MYO5A: variants seen among roughly 807,000 people sequenced by gnomAD.
The protein encoded by MYO5A is unconventional myosin-Va.
A neutral mutation model predicts 249.7 loss-of-function variants in MYO5A; 98 were observed. The ratio of observed to expected loss-of-function variants is 0.39; its 90% confidence interval spans 0.33 to 0.46. MYO5A has a LOEUF of 0.46. Among genes scored for constraint, MYO5A ranks in the 20% least tolerant of loss-of-function variants. The pLI, the probability that MYO5A is intolerant of heterozygous loss-of-function variation, is 0.98. For synonymous variants in MYO5A, 778 were observed against 810.6 expected, an observed-to-expected ratio of 0.96 and a Z score of 0.68; for missense variants, 1,696 against 2,308.8, an observed-to-expected ratio of 0.73 and a Z score of 5.44.
chr15:52,512,348 A>G (rs1199284893), intron 1 of MYO5A, among the ~76,000 whole-genome samples: 1 of 152,176 alleles, frequency 6.6e-6, no homozygotes, highest in African/African-American at 2.4e-5. Context: ...AAAAATTAGA[A>G]GTCCTTATCG....
chr15:52,315,109 C>T (rs1224656849), intron 40 of MYO5A, among the ~76,000 whole-genome samples: 1 of 152,156 alleles, frequency 6.6e-6, no homozygotes, highest in African/African-American at 2.4e-5. Context: ...ACTTTGTTAA[C>T]TAATATTTGC....
At chr15:52,451,119 C>A (rs1039291937) in intron 1 of MYO5A, among the ~76,000 whole-genome samples, 3 of 152,014 alleles carry the variant, frequency 2.0e-5, no homozygotes, top group Non-Finnish European at 4.4e-5. Flanking sequence ...TCAACAAGTC[C>A]AAAACAGAAC....
At chr15:52,468,369 A>G (rs2141439283) in intron 1 of MYO5A, among the ~76,000 whole-genome samples, 1 of 152,360 alleles carries the variant, frequency 6.6e-6, no homozygotes, top group South Asian at 2.1e-4. Context: ...TTTAAAATAC[A>G]GTATTAGGCC....
intron 28 of MYO5A, 29 bp from the exon 29 acceptor site, chr15:52,348,855 A>C: frequency 6.2e-7 from 1 of 1,605,440 alleles, no homozygotes; most frequent in Non-Finnish European, 8.5e-7. Context: ...CAAGCACAAA[A>C]AACAGAGAAA....
At chr15:52,336,686 C>G (rs528195678) in intron 33 of MYO5A, 130 bp from the exon 34 acceptor site, 12 of 714,560 alleles carry the variant, frequency 1.7e-5, no homozygotes, top group East Asian at 1.6e-4. Flanking sequence ...GTGGAGCCAC[C>G]ACCTGGCTAA....
rs554172304 is a variant in MYO5A at position 52,446,133 on chromosome 15, G to T, written c.28-12848C>A. 2.0e-5 allele frequency among the ~76,000 whole-genome samples: 3 copies of T among 152,336 alleles called. No homozygotes were observed. In the South Asian group the frequency reaches 6.2e-4, roughly 32 times the overall value. On this transcript the variant is annotated intron_variant, in intron 1 of 41. Transcript: ENST00000399233. ...GGGAAAAGGCCTGGAAGGCATTTCG[G>T]AGACCTTCCCAGCAGCCCCTCCCAC...
intron 8 of MYO5A, among the ~76,000 whole-genome samples, chr15:52,406,161 C>T (rs567949383): frequency 3.7e-4 from 57 of 152,102 alleles, no homozygotes; most frequent in Non-Finnish European, 6.5e-4. Flanking sequence ...TAATTACATG[C>T]AAATAGAAGC....
intron 1 of MYO5A, among the ~76,000 whole-genome samples, chr15:52,459,833 G>GC (rs1016232903): frequency 6.6e-6 from 1 of 150,680 alleles, no homozygotes; most frequent in African/African-American, 2.4e-5. Flanking sequence ...GGGCAGAGGG[G>GC]CCCCCGATCT....
intron 39 of MYO5A, 50 bp from the exon 40 acceptor site, chr15:52,317,272 AAAATGTCTT>A: frequency 6.3e-7 from 1 of 1,578,148 alleles, no homozygotes; most frequent in Non-Finnish European, 8.7e-7. Flanking sequence ...AATTTTGTCA[AAAATGTCTT>A]AATTTTTTTG....
At chr15:52,455,498 G>A (rs1425883289) in intron 1 of MYO5A, among the ~76,000 whole-genome samples, 1 of 151,820 alleles carries the variant, frequency 6.6e-6, no homozygotes, top group Non-Finnish European at 1.5e-5. Flanking sequence ...CAGAAAAGGA[G>A]ACAACAAAAT....
intron 3 of MYO5A, among the ~76,000 whole-genome samples, chr15:52,426,629 A>G (rs958775115): frequency 6.6e-6 from 1 of 151,972 alleles, no homozygotes; most frequent in Non-Finnish European, 1.5e-5. Context: ...TGCCTGGCTA[A>G]TTTTTGTATT....
At chr15:52,409,608 G>A (rs140840242) in intron 6 of MYO5A, among the ~76,000 whole-genome samples, 58 of 152,268 alleles carry the variant, frequency 3.8e-4, no homozygotes, top group Admixed American at 1.2e-3. Context: ...AGTGTCAAGG[G>A]TATTTGAACC....
chr15:52,341,196 C>G (rs1388680794), intron 31 of MYO5A, among the ~76,000 whole-genome samples: 1 of 152,142 alleles, frequency 6.6e-6, no homozygotes, highest in Non-Finnish European at 1.5e-5. Context: ...TATTCTACTC[C>G]TATTCTGAAA....
intron 9 of MYO5A, among the ~76,000 whole-genome samples, chr15:52,404,422 T>G (rs573151218): frequency 2.0e-5 from 3 of 151,982 alleles, no homozygotes; most frequent in South Asian, 4.2e-4. Context: ...CTTACAGGAG[T>G]AGAGAATCTG....
In MYO5A at chr15:52,410,126, C is replaced by T. The variant is rs573684152; in HGVS notation, c.756+207G>A. Among the ~76,000 whole-genome samples the T allele has an allele frequency of 1.4e-3, 207 of 152,304 alleles. 1 individual carries two copies. The highest frequency in any genetic ancestry group is 2.5e-3 in the Non-Finnish European group (172 of 68,010). On this transcript the variant is annotated intron_variant, in intron 6 of 41. Transcript: ENST00000399233. ...AGGAAAAAGTCAAACCTAAAAGTGACCAGTCCCAAAAACTATTAGCATTTA... is the reference window on the plus strand; with the variant it reads ...AGGAAAAAGTCAAACCTAAAAGTGATCAGTCCCAAAAACTATTAGCATTTA...
In MYO5A at chr15:52,307,800, A is replaced by G. The variant is rs2037665115; in HGVS notation, c.*5896T>C. On this transcript the variant is annotated 3_prime_UTR_variant, in exon 42 of 42. Transcript: ENST00000399233. ...AAAATACAATATGTTAAATGGCATG[A>G]ACTCATTTTTGCGCAACACTGTTAG... The G allele has an allele frequency of 6.6e-6, 1 of 152,218 alleles. No individual in the cohort carries two copies. Among genetic ancestry groups the G allele is most frequent in the Non-Finnish European group, 1.5e-5 (1 of 68,012 alleles). The allele number at this position is 152,218 out of a possible 1,614,324, so 9.4% of individuals were successfully genotyped here.
intron 38 of MYO5A, among the ~76,000 whole-genome samples, chr15:52,319,961 A>G (rs2038221391): frequency 6.6e-6 from 1 of 152,202 alleles, no homozygotes; most frequent in Non-Finnish European, 1.5e-5. Flanking sequence ...AGTGGTAGGT[A>G]GCAGTTCGGG....
At chr15:52,489,751 G>C (rs2076898131) in intron 1 of MYO5A, among the ~76,000 whole-genome samples, 1 of 152,178 alleles carries the variant, frequency 6.6e-6, no homozygotes, top group African/African-American at 2.4e-5. Context: ...AGCACTTTGG[G>C]AGGCCAAGGC....
At chr15:52,483,801 T>C (rs1044717154) in intron 1 of MYO5A, among the ~76,000 whole-genome samples, 1 of 152,236 alleles carries the variant, frequency 6.6e-6, no homozygotes, top group African/African-American at 2.4e-5. Context: ...ACAGCCCTAA[T>C]TGTGGTTCCT....
Sources: allele counts gnomAD v4.1 joint callset (sites outside exome capture counted in the v4.1 genomes callset), GRCh38; gene constraint gnomAD v4.1.1; transcripts MANE v1.5; gene names NCBI Gene and HGNC (gene_info 2026-07-23, HGNC 2026-07-21).